The following ROCK2 variants were observed in gnomAD, a reference collection of about 807,000 sequenced individuals.
The protein encoded by ROCK2 is Rho associated coiled-coil containing protein kinase 2.
Under a neutral mutation model 195.1 loss-of-function variants are expected in ROCK2, and 61 were observed. The ratio of observed to expected loss-of-function variants is 0.31; its 90% CI spans 0.25 to 0.39. ROCK2 has a LOEUF of 0.39. Among genes scored for constraint, ROCK2 ranks in the 10% least tolerant of loss-of-function variants. The pLI is 1.00. For missense variants in ROCK2, 1,109 were observed against 1,637.4 expected (o/e 0.68, Z 5.57); for synonymous variants, 504 against 545.5 (o/e 0.92, Z 1.06).
chr2:11,302,746 CGTT>C (rs1334034579), intron 1 of ROCK2, among the ~76,000 whole-genome samples: 1 of 151,942 alleles, frequency 6.6e-6, no homozygotes, highest in African/African-American at 2.4e-5. Flanking sequence ...TTTAATAACT[CGTT>C]AATAATTTTA....
intron 4 of ROCK2, among the ~76,000 whole-genome samples, chr2:11,249,314 C>T (rs1048680021): frequency 1.3e-5 from 2 of 152,116 alleles, no homozygotes; most frequent in Non-Finnish European, 2.9e-5. Flanking sequence ...ATGTATATAT[C>T]CTTCCAGATG....
Position 11,207,869 on chromosome 2 carries a change from C to T in ROCK2, c.2406G>A (p.Lys802=), listed in dbSNP as rs1384980796. ...LTLKIEQETQ[K]RCLTQNDLKM... ...TCAGGTCATTTTGTGTAAGGCAGCG[C>T]TTCTGAGTTTCTTGCTCTATTTTTA... The change falls in exon 20 of 33, where the codon AAG becomes AAA. Residue 802 remains lysine (K), a synonymous_variant. Transcript: ENST00000315872. 1 of 1,596,844 alleles carries T rather than the reference C, an allele frequency of 6.3e-7. No individual in the cohort carries two copies. Among genetic ancestry groups the T allele is most frequent in the Admixed American group, 1.7e-5 (1 of 58,252 alleles).
At chr2:11,198,400 A>T in intron 25 of ROCK2, 91 bp downstream of exon 25, 1 of 885,334 alleles carries the variant, frequency 1.1e-6, no homozygotes, top group African/African-American at 1.7e-5. Flanking sequence ...TTCGATGACT[A>T]CTGCTACCAA....
intron 1 of ROCK2, among the ~76,000 whole-genome samples, chr2:11,343,678 T>C (rs142624040): frequency 8.7e-4 from 133 of 152,280 alleles, no homozygotes; most frequent in Non-Finnish European, 1.6e-3. Context: ...GTATGAAGCA[T>C]GGCCAGTCCT....
intron 3 of ROCK2, among the ~76,000 whole-genome samples, chr2:11,266,035 C>T (rs1200049991): frequency 1.3e-5 from 2 of 152,152 alleles, no homozygotes; most frequent in Non-Finnish European, 2.9e-5. Flanking sequence ...AACTAAAACA[C>T]GCACGCCCAC....
At chr2:11,287,188 A>G (rs1188007885) in intron 2 of ROCK2, among the ~76,000 whole-genome samples, 1 of 152,208 alleles carries the variant, frequency 6.6e-6, no homozygotes, top group East Asian at 1.9e-4. Context: ...TATTCTTGGA[A>G]TTCAATTTCA....
chr2:11,247,236 G>C (rs1199923875), intron 4 of ROCK2, among the ~76,000 whole-genome samples: 1 of 152,152 alleles, frequency 6.6e-6, no homozygotes, highest in Non-Finnish European at 1.5e-5. Context: ...ATGCTAATTG[G>C]TCCAGGGCTT....
chr2:11,206,034 A>G (rs1325976230), intron 20 of ROCK2, among the ~76,000 whole-genome samples: 2 of 151,896 alleles, frequency 1.3e-5, no homozygotes, highest in Non-Finnish European at 2.9e-5. Context: ...TCTTGAACCC[A>G]GGAAGGGAAG....
chr2:11,269,655 T>C (rs1373906010), intron 3 of ROCK2, among the ~76,000 whole-genome samples: 1 of 152,248 alleles, frequency 6.6e-6, no homozygotes, highest in African/African-American at 2.4e-5. Flanking sequence ...AGACATATTC[T>C]GCCGGTGTGA....
chr2:11,182,188 C>CA lies in ROCK2; in HGVS notation c.*1248dup, dbSNP rs1311140813. 1 of 152,074 alleles carries CA rather than the reference C, an allele frequency of 6.6e-6. No homozygotes were observed. The highest frequency in any genetic ancestry group is 1.5e-5 in the Non-Finnish European group (1 of 68,028). The allele number at this position is 152,074 out of a possible 1,614,324, so 9.4% of individuals were successfully genotyped here. A position where few individuals can be genotyped will look rare whatever the true frequency, so the allele number is the denominator to read the frequency against. ...AAGTGCCTTTGAGGCCACTTCTTCC[C>CA]AGTTGCCAGTTTTCTTAACCCGGTA... On this transcript the variant is annotated 3_prime_UTR_variant, in exon 33 of 33. Coordinates refer to ENST00000315872, the MANE Select transcript of ROCK2 (RefSeq NM_004850.5).
Position 11,197,146 on chromosome 2 carries a change from A to G in ROCK2, c.3448+34T>C, listed in dbSNP as rs1244999520. 1 of 1,478,414 alleles carries G rather than the reference A, an allele frequency of 6.8e-7. No homozygotes were observed. Among genetic ancestry groups the G allele is most frequent in the Non-Finnish European group, 9.1e-7 (1 of 1,096,712 alleles). The allele number at this position is 1,478,414 out of a possible 1,614,324, so 91.6% of individuals were successfully genotyped here. On this transcript the variant is annotated intron_variant, in intron 27 of 32. Coordinates refer to ENST00000315872, the MANE Select transcript of ROCK2 (RefSeq NM_004850.5). This position sits in a 1 kb window ranked among gnomAD's most constrained non-coding sequence, Gnocchi z 4.9. Reference sequence around the variant, plus strand: ...TAAAACAATCAACTGATTTATATTTAAGATAAATATTAGTGCTGAAAACAA... The same window carrying G: ...TAAAACAATCAACTGATTTATATTTGAGATAAATATTAGTGCTGAAAACAA...
At chr2:11,302,929 A>G (rs901735952) in intron 1 of ROCK2, among the ~76,000 whole-genome samples, 1 of 152,170 alleles carries the variant, frequency 6.6e-6, no homozygotes, top group Admixed American at 6.5e-5. Context: ...TCCACTGGAA[A>G]GTTTGGACCA....
At chr2:11,289,324 G>C (rs1343525008) in intron 1 of ROCK2, among the ~76,000 whole-genome samples, 2 of 151,980 alleles carry the variant, frequency 1.3e-5, no homozygotes, top group Non-Finnish European at 2.9e-5. Context: ...TCTAACATTT[G>C]AGCATATTAG....
intron 1 of ROCK2, among the ~76,000 whole-genome samples, chr2:11,297,832 T>C (rs1481102658): frequency 1.3e-5 from 2 of 152,218 alleles, no homozygotes; most frequent in Non-Finnish European, 2.9e-5. Flanking sequence ...AAGTTTCTGA[T>C]AGAAATGTTC....
chr2:11,179,997 C>CCCA lies in ROCK2; in HGVS notation c.*3439_*3440insTGG, dbSNP rs200168902. 6.6e-6 allele frequency: 1 copy of CCCA among 152,174 alleles called. No homozygotes were observed. The highest frequency in any genetic ancestry group is 1.9e-4 in the East Asian group (1 of 5,178). The allele number at this position is 152,174 out of a possible 1,614,324, so 9.4% of individuals were successfully genotyped here. ...GGGATGGGAGTCAGGGAGAGGCCCC[C>CCCA]CCCCAAGCATGATATCCAGCGCTGT... On this transcript the variant is annotated 3_prime_UTR_variant, in exon 33 of 33. Coordinates refer to ENST00000315872, the MANE Select transcript of ROCK2 (RefSeq NM_004850.5).
intron 1 of ROCK2, among the ~76,000 whole-genome samples, chr2:11,318,202 T>G (rs961306207): frequency 6.6e-6 from 1 of 152,230 alleles, no homozygotes; most frequent in African/African-American, 2.4e-5. Flanking sequence ...TCTTCCACAA[T>G]GGTTGAACTA....
chr2:11,243,913 C>T (rs1379361046), intron 4 of ROCK2, among the ~76,000 whole-genome samples: 2 of 152,200 alleles, frequency 1.3e-5, no homozygotes, highest in Admixed American at 6.5e-5. Flanking sequence ...GAACTCTATA[C>T]TGTCTGCTCA....
At position 11,215,697 on chromosome 2, in the gene ROCK2, C is replaced by A. The variant is rs1213613084; in HGVS notation, c.1462-52G>T. 5 of 1,464,688 alleles carry A rather than the reference C, an allele frequency of 3.4e-6. No homozygotes were observed. The South Asian group carries it at 3.9e-5, about 11-fold the overall frequency. 90.7% of individuals were successfully genotyped at this position (1,464,688 alleles called of 1,614,324 possible). A position where few individuals can be genotyped will look rare whatever the true frequency, so the allele number is the denominator to read the frequency against. The stretch of plus-strand genomic sequence containing the variant: ...AAAAAAGTATGTATAAAAATGAAAT[C>A]AAAACAAAAAATACTTGCTATTCCA... On this transcript the variant is annotated intron_variant, in intron 13 of 32. Transcript: ENST00000315872.
intron 3 of ROCK2, among the ~76,000 whole-genome samples, chr2:11,283,453 C>T (rs1372176157): frequency 2.1e-5 from 3 of 144,506 alleles, no homozygotes; most frequent in South Asian, 2.3e-4. Flanking sequence ...CCCAGCTACT[C>T]GGGAGGCTGA....
Sources: gnomAD v4.1 joint callset for allele counts (sites outside exome capture counted in the v4.1 genomes callset) on GRCh38, gnomAD v4.1.1 for gene constraint, Gnocchi (gnomAD v3.1) non-coding constraint, MANE v1.5 for transcripts, NCBI Gene and HGNC (gene_info 2026-07-23, HGNC 2026-07-21) for gene names.